Variants in SCN8A observed in about 807,000 individuals in gnomAD.
SCN8A encodes the protein sodium voltage-gated channel alpha subunit 8.
A neutral mutation model predicts 184.1 loss-of-function variants in SCN8A; 30 were observed. The ratio of observed to expected loss-of-function variants is 0.16; its 90% CI spans 0.12 to 0.22. The LOEUF is 0.22. Among genes scored for constraint, SCN8A ranks in the 10% least tolerant of loss-of-function variants. SCN8A has a pLI of 1.00. For synonymous variants in SCN8A, 852 were observed against 907.0 expected (o/e 0.94, Z 1.09); for missense variants, 1,057 against 2,498.9 (o/e 0.42, Z 12.30).
At chr12:51,667,879 A>G (rs1038935263) in intron 2 of SCN8A, among the ~76,000 whole-genome samples, 8 of 152,240 alleles carry the variant, frequency 5.3e-5, no homozygotes, top group African/African-American at 1.9e-4. Flanking sequence ...GCACACTCCT[A>G]TTGCATTAAA....
intron 1 of SCN8A, among the ~76,000 whole-genome samples, chr12:51,607,955 G>A (rs1307331143): frequency 6.6e-6 from 1 of 151,818 alleles, no homozygotes; most frequent in Non-Finnish European, 1.5e-5. Context: ...ATGAATTAGG[G>A]AGGGTTCCTT....
chr12:51,612,512 T>G (rs1402254749), intron 1 of SCN8A, among the ~76,000 whole-genome samples: 4 of 152,216 alleles, frequency 2.6e-5, no homozygotes, highest in Non-Finnish European at 5.9e-5. Flanking sequence ...TTCCCTTCTA[T>G]TCCTAGTTTA....
Position 51,687,487 on chromosome 12 carries a change from C to T in SCN8A, c.614+268C>T, listed in dbSNP as rs1941437708. 2.0e-5 allele frequency among the ~76,000 whole-genome samples: 3 copies of T among 152,244 alleles called. No homozygotes were observed. The South Asian group carries it at 6.2e-4, about 32-fold the overall frequency. On this transcript the variant is annotated intron_variant, in intron 5 of 26. Transcript: ENST00000627620. ...AGGAGGAGGTGATTTCCCATTGGCACTCTCTCGTATTTTATTCCTCCTTGT... is the reference window on the plus strand; with the variant it reads ...AGGAGGAGGTGATTTCCCATTGGCATTCTCTCGTATTTTATTCCTCCTTGT...
At chr12:51,629,485 C>T (rs182087894) in intron 1 of SCN8A, among the ~76,000 whole-genome samples, 1 of 148,772 alleles carries the variant, frequency 6.7e-6, no homozygotes, top group East Asian at 2.0e-4. Context: ...CAAAGTCACA[C>T]AGGTATAGAA....
chr12:51,623,765 TC>T (rs941580982), intron 1 of SCN8A, among the ~76,000 whole-genome samples: 1 of 152,012 alleles, frequency 6.6e-6, no homozygotes, highest in African/African-American at 2.4e-5. Context: ...CCCTTCCTCC[TC>T]CCCCCACCCC....
intron 11 of SCN8A, among the ~76,000 whole-genome samples, chr12:51,721,095 A>ATATATATATAAAATATTTATTTATTGT (rs1565899340): frequency 8.2e-5 from 6 of 73,130 alleles, no homozygotes; most frequent in African/African-American, 2.7e-4. Flanking sequence ...ATATATATAT[A>ATATATATATAAAATATTTATTTATTGT]TATATATATA....
At chr12:51,716,053 G>T (rs562461420) in intron 11 of SCN8A, among the ~76,000 whole-genome samples, 1 of 152,222 alleles carries the variant, frequency 6.6e-6, no homozygotes, top group African/African-American at 2.4e-5. Flanking sequence ...TAGAGCGTAG[G>T]CTGGATACAG....
chr12:51,661,053 C>T (rs1940915559), intron 1 of SCN8A, among the ~76,000 whole-genome samples: 1 of 152,052 alleles, frequency 6.6e-6, no homozygotes. Context: ...TGGGACATAG[C>T]AAAGGAGGAT....
intron 2 of SCN8A, among the ~76,000 whole-genome samples, chr12:51,669,145 A>G (rs1204100873): frequency 3.3e-5 from 5 of 152,242 alleles, no homozygotes; most frequent in African/African-American, 4.8e-5. Flanking sequence ...TGACAGATAC[A>G]AGGTCACTGG....
At chr12:51,744,945 C>G (rs1942486349) in intron 12 of SCN8A, among the ~76,000 whole-genome samples, 2 of 152,168 alleles carry the variant, frequency 1.3e-5, no homozygotes, top group African/African-American at 4.8e-5. Context: ...TGCTGATTGT[C>G]TCTGTCCTCT....
intron 14 of SCN8A, among the ~76,000 whole-genome samples, chr12:51,761,115 T>C (rs1283458467): frequency 6.6e-6 from 1 of 152,184 alleles, no homozygotes; most frequent in African/African-American, 2.4e-5. Context: ...TAATATTCAA[T>C]AAGAGTCTGT....
intron 6 of SCN8A, among the ~76,000 whole-genome samples, chr12:51,694,322 C>T (rs892167126): frequency 6.6e-6 from 1 of 152,230 alleles, no homozygotes; most frequent in South Asian, 2.1e-4. Context: ...AGCACATAGG[C>T]AGGCATTGTT....
chr12:51,654,219 T>G (rs1940776474), intron 1 of SCN8A, among the ~76,000 whole-genome samples: 2 of 152,214 alleles, frequency 1.3e-5, no homozygotes, highest in African/African-American at 4.8e-5. Context: ...ATCTATTTTT[T>G]CTTTTATTGC....
At chr12:51,670,346 G>A (rs1262565772) in intron 2 of SCN8A, among the ~76,000 whole-genome samples, 1 of 152,160 alleles carries the variant, frequency 6.6e-6, no homozygotes, top group Non-Finnish European at 1.5e-5. Flanking sequence ...ACCATTTAAG[G>A]TCTCAATTCC....
At position 51,785,748 on chromosome 12, in the gene SCN8A, C is replaced by A. The variant is rs185538377; in HGVS notation, c.3943-794C>A. Among the ~76,000 whole-genome samples, 46 of 152,088 alleles carry A rather than the reference C, an allele frequency of 3.0e-4. No individual in the cohort carries two copies. In the East Asian group the frequency reaches 8.7e-3, roughly 29 times the overall value. ...TTTTAGTTTCAAGAGCAGTAATGATCTAACCCAAAACTCTCTTAAAAACCT... is the reference window on the plus strand; with the variant it reads ...TTTTAGTTTCAAGAGCAGTAATGATATAACCCAAAACTCTCTTAAAAACCT... On this transcript the variant is annotated intron_variant, in intron 21 of 26. Transcript: ENST00000627620.
chr12:51,726,846 C>T (rs1345169319), intron 12 of SCN8A, among the ~76,000 whole-genome samples: 2 of 152,076 alleles, frequency 1.3e-5, no homozygotes, highest in Admixed American at 1.3e-4. Context: ...TCTAAAAATC[C>T]TTTGTTTGAG....
rs746868733 is a variant in SCN8A, at chr12:51,807,447, G to A, written c.*18G>A. On this transcript the variant is annotated 3_prime_UTR_variant, in exon 27 of 27. Coordinates refer to ENST00000627620, the MANE Select transcript of SCN8A (RefSeq NM_001330260.2). The surrounding 1 kb of genome is among the most constrained non-coding windows in gnomAD (Gnocchi z 4.5). ...AGTGTTAGAGGAGAACAAAAATTCA[G>A]TATTATACAGATCTAAAACTCGCAA... The A allele has an allele frequency of 1.6e-5, 25 of 1,591,736 alleles. No homozygotes were observed. The highest frequency in any genetic ancestry group is 2.1e-5 in the Non-Finnish European group (25 of 1,168,298).
chr12:51,607,887 TC>T (rs1939629830), intron 1 of SCN8A, among the ~76,000 whole-genome samples: 1 of 152,194 alleles, frequency 6.6e-6, no homozygotes, highest in African/African-American at 2.4e-5. Flanking sequence ...TCTATAGTTT[TC>T]TTTTTTGGTT....
chr12:51,746,972 C>T (rs1018900496), intron 13 of SCN8A, among the ~76,000 whole-genome samples: 3 of 152,170 alleles, frequency 2.0e-5, no homozygotes, highest in Non-Finnish European at 4.4e-5. Context: ...CTTCAGAATG[C>T]AGATGCCTGG....
Sources: gnomAD v4.1 joint callset for allele counts (sites outside exome capture counted in the v4.1 genomes callset) on GRCh38, gnomAD v4.1.1 for gene constraint, Gnocchi (gnomAD v3.1) non-coding constraint, MANE v1.5 for transcripts, NCBI Gene and HGNC (gene_info 2026-07-23, HGNC 2026-07-21) for gene names.